Variants in CASK observed in about 807,000 individuals in gnomAD.
The protein encoded by CASK is peripheral plasma membrane protein CASK.
In CASK, 4 loss-of-function variants were observed where a neutral mutation model predicts 82.9. The observed-to-expected ratio is 0.05, with a 90% confidence interval of 0.02 to 0.11. CASK has a LOEUF of 0.11. Ranked by LOEUF, CASK falls within the 10% of genes least tolerant of loss-of-function variation. The probability of loss-of-function intolerance (pLI) is 1.00; values close to 1 mark genes in which losing one functional copy is unlikely to be tolerated. For synonymous variants in CASK, 259 were observed against 253.5 expected, an observed-to-expected ratio of 1.02 and a Z score of -0.20; for missense variants, 358 against 720.9, an observed-to-expected ratio of 0.50 and a Z score of 5.76.
chrX:41,903,737 T>C (rs1195954099), intron 1 of CASK, among the ~76,000 whole-genome samples: 2 of 111,810 alleles, frequency 1.8e-5, no homozygotes, highest in African/African-American at 6.5e-5. Context: ...AGATCAGTGC[T>C]GTCTAACAGA....
chrX:41,813,367 C>T (rs2070342628), intron 2 of CASK, among the ~76,000 whole-genome samples: 1 of 111,539 alleles, frequency 9.0e-6, no homozygotes, highest in Non-Finnish European at 1.9e-5. Flanking sequence ...GTAACCAAAA[C>T]AGCAAGGTAC....
chrX:41,710,081 T>TTGTGTGTG (rs57963407), intron 5 of CASK, among the ~76,000 whole-genome samples: 10,497 of 71,975 alleles, frequency 0.15, 793 homozygotes, highest in East Asian at 0.16. Context: ...GGTATAGATT[T>TTGTGTGTG]TGTGTGTGTG....
chrX:41,644,728 T>C lies in CASK; in HGVS notation c.832-8067A>G, dbSNP rs185224563. Among the ~76,000 whole-genome samples the C allele has an allele frequency of 4.6e-4, 51 of 112,073 alleles. No homozygotes were observed. In the East Asian group the frequency reaches 0.01, roughly 22 times the overall value. On this transcript the variant is annotated intron_variant, in intron 8 of 26. Transcript: ENST00000378163. ...TTCTTTTTCTCAGCATGGAACGTCC[T>C]TGAGAAAGAGAATGCGCACCTAGGA...
chrX:41,768,982 G>C (rs1222384494), intron 3 of CASK, among the ~76,000 whole-genome samples: 1 of 110,845 alleles, frequency 9.0e-6, no homozygotes, highest in East Asian at 2.8e-4. Context: ...ACATCCTTTT[G>C]ACCTATCAAA....
At chrX:41,817,049 T>C (rs1161558777) in intron 2 of CASK, among the ~76,000 whole-genome samples, 1 of 111,872 alleles carries the variant, frequency 8.9e-6, no homozygotes, top group Non-Finnish European at 1.9e-5. Context: ...GAGGCCAATA[T>C]GCAGTTTTTA....
intron 1 of CASK, among the ~76,000 whole-genome samples, chrX:41,872,317 A>C: frequency 8.9e-6 from 1 of 111,816 alleles, no homozygotes; most frequent in Non-Finnish European, 1.9e-5. Context: ...TATGTTTCCT[A>C]CCTCTTCAAT....
At chrX:41,725,334 T>G (rs1426723499) in intron 5 of CASK, among the ~76,000 whole-genome samples, 3 of 111,345 alleles carry the variant, frequency 2.7e-5, no homozygotes, top group Non-Finnish European at 3.8e-5. Flanking sequence ...ATGCAGAAAA[T>G]AAATCAAACC....
rs1297266241 is a variant in CASK, at chrX:41,561,608, T to C, written c.1619A>G (p.Asn540Ser). The C allele has an allele frequency of 1.0e-5, 12 of 1,202,717 alleles. No individual in the cohort carries two copies. The highest frequency in any genetic ancestry group is 1.2e-5 in the Non-Finnish European group (11 of 888,548). The change falls in exon 17 of 27, where the codon AAT becomes AGT. Residue 540 changes from asparagine (N) to serine (S), a missense_variant. By Grantham distance (46) the Asn-to-Ser change is conservative. Transcript: ENST00000378163. The stretch of plus-strand genomic sequence containing the variant: ...TGTTTGGTTAGCCACACTGATGCCA[T>C]TGATTTCTCGAATTTCATCACCAAC... ...LHVGDEIREI[N>S]GISVANQTVE...
intron 1 of CASK, among the ~76,000 whole-genome samples, chrX:41,855,747 C>T (rs867438500): frequency 6.3e-5 from 7 of 111,599 alleles, no homozygotes; most frequent in African/African-American, 1.6e-4. Context: ...AGTTATAAGC[C>T]GTCATCATAA....
intron 3 of CASK, among the ~76,000 whole-genome samples, chrX:41,757,282 A>AT (rs2068915842): frequency 9.0e-6 from 1 of 111,220 alleles, no homozygotes; most frequent in Admixed American, 9.6e-5. Context: ...CAAATGTCCC[A>AT]TAACTACCAT....
In CASK at chrX:41,580,851, C is replaced by A. The variant is rs1044483327; in HGVS notation, c.1315-2323G>T. ...CTGAAATAGCTGTCAGTTTTAACTA[C>A]GTAACAATCGTGTAATAGGAAAAAA... On this transcript the variant is annotated intron_variant, in intron 14 of 26. Coordinates refer to ENST00000378163, the MANE Select transcript of CASK (RefSeq NM_001367721.1). Among the ~76,000 whole-genome samples, 3 of 112,049 alleles carry A rather than the reference C, an allele frequency of 2.7e-5. No homozygotes were observed. In the South Asian group the frequency reaches 1.1e-3, roughly 41 times the overall value.
intron 14 of CASK, among the ~76,000 whole-genome samples, chrX:41,578,833 G>A (rs1053393335): frequency 9.0e-6 from 1 of 111,729 alleles, no homozygotes; most frequent in African/African-American, 3.3e-5. Flanking sequence ...CCTCTCAAAG[G>A]TATCATTCAT....
chrX:41,823,688 G>A (rs1354006249), intron 2 of CASK, among the ~76,000 whole-genome samples: 3 of 111,156 alleles, frequency 2.7e-5, no homozygotes, highest in Non-Finnish European at 5.7e-5. Context: ...TGATCTCAGC[G>A]TCTATGACAG....
At chrX:41,690,878 G>T (rs953196696) in intron 5 of CASK, among the ~76,000 whole-genome samples, 12 of 108,920 alleles carry the variant, frequency 1.1e-4, no homozygotes, top group Admixed American at 1.1e-3. Context: ...TCACCATCTT[G>T]CCCAGGCTGG....
intron 2 of CASK, among the ~76,000 whole-genome samples, chrX:41,787,492 A>C (rs977719899): frequency 5.6e-5 from 6 of 107,285 alleles, no homozygotes; most frequent in African/African-American, 2.0e-4. Context: ...ATCTATATAC[A>C]GTATAGAGTG....
intron 5 of CASK, among the ~76,000 whole-genome samples, chrX:41,735,566 ATT>A (rs763684706): frequency 6.9e-5 from 7 of 101,545 alleles, no homozygotes; most frequent in Admixed American, 2.1e-4. Context: ...AATCTAACTA[ATT>A]TTTTTTTTTT....
At position 41,645,486 on chromosome X, in the gene CASK, A is replaced by G. The variant is rs192410268; in HGVS notation, c.832-8825T>C. 1.3e-4 allele frequency among the ~76,000 whole-genome samples: 14 copies of G among 111,230 alleles called. 1 individual carries two copies. The East Asian group carries it at 3.1e-3, about 25-fold the overall frequency. On this transcript the variant is annotated intron_variant, in intron 8 of 26. Coordinates refer to ENST00000378163, the MANE Select transcript of CASK (RefSeq NM_001367721.1). ...GTCTAAGTACCCACCAGAAGACTCA[A>G]GCTTCAGGTGAATACTGACAATCAA...
chrX:41,864,421 TA>T (rs2071551568), intron 1 of CASK, among the ~76,000 whole-genome samples: 1 of 111,804 alleles, frequency 8.9e-6, no homozygotes, highest in African/African-American at 3.3e-5. Flanking sequence ...GTACTCATAT[TA>T]CACATTAGCA....
At chrX:41,919,872 G>A (rs773520354) in intron 1 of CASK, among the ~76,000 whole-genome samples, 2 of 112,140 alleles carry the variant, frequency 1.8e-5, no homozygotes, top group Non-Finnish European at 3.8e-5. Context: ...GCTTTAACAA[G>A]GGTAAAGGCT....
Sources: gnomAD v4.1 joint callset for allele counts (sites outside exome capture counted in the v4.1 genomes callset) on GRCh38, gnomAD v4.1.1 for gene constraint, MANE v1.5 for transcripts, NCBI Gene and HGNC (gene_info 2026-07-23, HGNC 2026-07-21) for gene names.